The following PDE4B variants were observed in gnomAD, a reference collection of about 807,000 sequenced individuals.
PDE4B encodes the protein phosphodiesterase 4B.
Under a neutral mutation model 82.2 loss-of-function variants are expected in PDE4B, and 20 were observed. The ratio of observed to expected loss-of-function variants is 0.24; its 90% CI spans 0.17 to 0.35. The LOEUF (loss-of-function observed/expected upper bound fraction) is 0.35, where lower values mean the gene tolerates loss of function less well. Ranked by LOEUF, PDE4B falls within the 10% of genes least tolerant of loss-of-function variation. The pLI is 1.00. For missense variants in PDE4B, 655 were observed against 907.2 expected (o/e 0.72, Z 3.57); for synonymous variants, 320 against 318.9 (o/e 1.00, Z -0.04).
intron 3 of PDE4B, among the ~76,000 whole-genome samples, chr1:66,158,597 T>C (rs1185826911): frequency 6.6e-6 from 1 of 152,256 alleles, no homozygotes; most frequent in Non-Finnish European, 1.5e-5. Context: ...CTACTAGTTA[T>C]ATATTCAAAG....
chr1:66,321,069 T>C (rs1387284008), intron 7 of PDE4B, among the ~76,000 whole-genome samples: 1 of 152,170 alleles, frequency 6.6e-6, no homozygotes, highest in Non-Finnish European at 1.5e-5. Context: ...GATTTCATGC[T>C]TACCAAGCCA....
intron 1 of PDE4B, among the ~76,000 whole-genome samples, chr1:65,805,698 A>C (rs1021507234): frequency 6.6e-6 from 1 of 152,304 alleles, no homozygotes; most frequent in Non-Finnish European, 1.5e-5. Flanking sequence ...AATGTTTTAC[A>C]TCTGGAAATG....
At chr1:66,118,628 A>C (rs1382989170) in intron 3 of PDE4B, among the ~76,000 whole-genome samples, 1 of 152,124 alleles carries the variant, frequency 6.6e-6, no homozygotes, top group Non-Finnish European at 1.5e-5. Context: ...TGATGAGTTA[A>C]TGGGTGCAGC....
intron 1 of PDE4B, among the ~76,000 whole-genome samples, chr1:65,820,707 A>G (rs903901790): frequency 1.3e-5 from 2 of 152,218 alleles, no homozygotes; most frequent in Non-Finnish European, 2.9e-5. Flanking sequence ...TTCTTCATCT[A>G]CAAAGTAGAG....
intron 1 of PDE4B, among the ~76,000 whole-genome samples, chr1:65,871,910 A>G (rs968225622): frequency 2.0e-5 from 3 of 152,214 alleles, no homozygotes; most frequent in Non-Finnish European, 4.4e-5. Flanking sequence ...CTTGAATACA[A>G]TATAATATGG....
intron 3 of PDE4B, among the ~76,000 whole-genome samples, chr1:66,237,317 T>A (rs1030540235): frequency 6.6e-6 from 1 of 152,200 alleles, no homozygotes; most frequent in Non-Finnish European, 1.5e-5. Flanking sequence ...ATTTCCAATT[T>A]TATGATTATT....
At chr1:66,080,519 G>T (rs1052266832) in intron 3 of PDE4B, among the ~76,000 whole-genome samples, 1 of 152,066 alleles carries the variant, frequency 6.6e-6, no homozygotes, top group Non-Finnish European at 1.5e-5. Context: ...TTTACTGTTT[G>T]GATGTTATTG....
intron 3 of PDE4B, among the ~76,000 whole-genome samples, chr1:66,108,110 C>T (rs1645407926): frequency 6.6e-6 from 1 of 151,848 alleles, no homozygotes; most frequent in African/African-American, 2.4e-5. Flanking sequence ...TTCAAGTACA[C>T]AATACATTGT....
At chr1:66,082,647 T>C (rs1239954520) in intron 3 of PDE4B, among the ~76,000 whole-genome samples, 1 of 151,148 alleles carries the variant, frequency 6.6e-6, no homozygotes, top group Non-Finnish European at 1.5e-5. Context: ...AAATAATATA[T>C]ATATATATAT....
chr1:65,852,515 C>G (rs143140150), intron 1 of PDE4B, among the ~76,000 whole-genome samples: 151 of 151,952 alleles, frequency 9.9e-4, no homozygotes, highest in African/African-American at 3.6e-3. Context: ...TATTCTACAA[C>G]ATTAATATGA....
chr1:66,118,819 A>G (rs898807162), intron 3 of PDE4B, among the ~76,000 whole-genome samples: 1 of 151,182 alleles, frequency 6.6e-6, no homozygotes, highest in East Asian at 1.9e-4. Context: ...AACGTGCCCT[A>G]TTTTTTCTTT....
At chr1:65,806,558 C>G (rs1434570494) in intron 1 of PDE4B, among the ~76,000 whole-genome samples, 1 of 152,228 alleles carries the variant, frequency 6.6e-6, no homozygotes, top group African/African-American at 2.4e-5. Flanking sequence ...GAATCCGTCT[C>G]TTCAGAATCC....
chr1:65,984,862 T>A (rs1056731446), intron 3 of PDE4B, among the ~76,000 whole-genome samples: 33 of 152,334 alleles, frequency 2.2e-4, no homozygotes, highest in Admixed American at 2.0e-3. Context: ...ATTTTACATA[T>A]GTAATATTGC....
intron 1 of PDE4B, among the ~76,000 whole-genome samples, chr1:65,881,840 A>G (rs1335073082): frequency 6.6e-6 from 1 of 152,234 alleles, no homozygotes; most frequent in Non-Finnish European, 1.5e-5. Context: ...TAAAGTTGGT[A>G]TGGCACAGAT....
intron 3 of PDE4B, among the ~76,000 whole-genome samples, chr1:66,155,380 G>A (rs1646482460): frequency 6.6e-6 from 1 of 151,920 alleles, no homozygotes; most frequent in Admixed American, 6.6e-5. Flanking sequence ...CATCATGGCT[G>A]CCCCAGACAC....
intron 3 of PDE4B, among the ~76,000 whole-genome samples, chr1:66,140,371 G>A (rs1250120666): frequency 6.6e-5 from 10 of 152,204 alleles, no homozygotes; most frequent in East Asian, 5.8e-4. Flanking sequence ...AGGGCTCAAC[G>A]CAACTTTTAC....
chr1:65,921,464 C>T (rs1330925855), intron 3 of PDE4B, among the ~76,000 whole-genome samples: 5 of 152,010 alleles, frequency 3.3e-5, no homozygotes, highest in South Asian at 2.1e-4. Context: ...CCTAGGACTA[C>T]GTGAGAGAAA....
intron 4 of PDE4B, among the ~76,000 whole-genome samples, chr1:66,255,072 C>CTCTT (rs1263702232): frequency 3.9e-5 from 5 of 129,056 alleles, no homozygotes; most frequent in South Asian, 2.4e-4. Context: ...TTCTTTTTTT[C>CTCTT]TCTTTCTTTC....
chr1:66,123,529 C>T (rs1645755565), intron 3 of PDE4B, among the ~76,000 whole-genome samples: 2 of 151,668 alleles, frequency 1.3e-5, no homozygotes, highest in South Asian at 4.2e-4. Flanking sequence ...CCCCTCCCTC[C>T]TTTTCTCCCT....
Sources: allele counts gnomAD v4.1 joint callset (sites outside exome capture counted in the v4.1 genomes callset), GRCh38; gene constraint gnomAD v4.1.1; transcripts MANE v1.5; gene names NCBI Gene and HGNC (gene_info 2026-07-23, HGNC 2026-07-21).